TRPV1: variants seen among roughly 807,000 people sequenced by gnomAD.
TRPV1 encodes the protein OTRPC1.
TRPV1 carries 82 observed loss-of-function variants against 82.3 expected under a neutral mutation model. The observed-to-expected ratio is 1.00, with a 90% CI of 0.83 to 1.20. TRPV1 has a LOEUF of 1.20. TRPV1 is among the 50% of genes most tolerant of loss of function. TRPV1 has a pLI of 0.00. For synonymous variants in TRPV1, 515 were observed against 467.7 expected (o/e 1.10, Z -1.30); for missense variants, 1,067 against 1,096.8 (o/e 0.97, Z 0.38).
At position 3,565,939 on chromosome 17, in the gene TRPV1, A is replaced by AG. The variant is rs2074755259; in HGVS notation, c.*875dup. 1 of 152,238 alleles carries AG rather than the reference A, an allele frequency of 6.6e-6. No individual in the cohort carries two copies. Among genetic ancestry groups the AG allele is most frequent in the Non-Finnish European group, 1.5e-5 (1 of 68,050 alleles). The allele number at this position is 152,238 out of a possible 1,614,324, so 9.4% of individuals were successfully genotyped here. A position where few individuals can be genotyped will look rare whatever the true frequency, so the allele number is the denominator to read the frequency against. On this transcript the variant is annotated 3_prime_UTR_variant, in exon 17 of 17. Coordinates refer to ENST00000572705, the MANE Select transcript of TRPV1 (RefSeq NM_080704.4). ...GTAATCCCAGCACTTTGGGAGGCCA[A>AG]GGCGGGCAGATCACCTGAGGTCAAG...
chr17:3,580,461 G>A lies in TRPV1; in HGVS notation c.1543C>T (p.Leu515Phe). 1 of 1,614,036 alleles carries A rather than the reference G, an allele frequency of 6.2e-7. No homozygotes were observed. Among genetic ancestry groups the A allele is most frequent in the East Asian group, 2.2e-5 (1 of 44,886 alleles). ...TLFVDSYSEM[L>F]FFLQSLFMLA... ...ATGAGTCAAAGTGTCACTTACAAAA[G>A]CATCTCACTGTAGCTGTCCACAAAC... The change falls in exon 11 of 17, where the codon CTT becomes TTT. Residue 515 changes from leucine (L) to phenylalanine (F), a missense_variant. Coordinates refer to ENST00000572705, the MANE Select transcript of TRPV1 (RefSeq NM_080704.4).
At chr17:3,571,934 G>A (rs775050507) in intron 15 of TRPV1, among the ~76,000 whole-genome samples, 188 bp downstream of exon 15, 24 of 152,118 alleles carry the variant, frequency 1.6e-4, no homozygotes, top group Admixed American at 2.6e-4. Context: ...CCCACCAGAT[G>A]AGATCTAAGA....
Position 3,571,589 on chromosome 17 carries a change from TTGA to T in TRPV1, c.2279_2281del (p.Ile760del). 6.2e-7 allele frequency: 1 copy of T among 1,612,888 alleles called. No individual in the cohort carries two copies. Among genetic ancestry groups the T allele is most frequent in the Non-Finnish European group, 8.5e-7 (1 of 1,179,516 alleles). On this transcript the variant is annotated inframe_deletion, in exon 16 of 17. Coordinates refer to ENST00000572705, the MANE Select transcript of TRPV1 (RefSeq NM_080704.4). ...GCCCTCACAGTTGCCCGGGTCTTCG[TTGA>T]TGATGCCCACGTTGGTGTTCCAGGT... is the stretch of plus-strand genomic sequence containing the variant.
At chr17:3,581,983 G>C (rs12945340) in intron 10 of TRPV1, among the ~76,000 whole-genome samples, 1 of 137,688 alleles carries the variant, frequency 7.3e-6, no homozygotes, top group African/African-American at 2.6e-5. Context: ...GAGGTCAGGA[G>C]ATCGAGACCA....
At position 3,576,712 on chromosome 17, in the gene TRPV1, GGTC is replaced by G. The variant is rs1415997318; in HGVS notation, c.1780+411_1780+413del. On this transcript the variant is annotated intron_variant, in intron 13 of 16. Coordinates refer to ENST00000572705, the MANE Select transcript of TRPV1 (RefSeq NM_080704.4). ...ATATGCATAAAAACTAGCCGGGCATGGTCGTGGGCGCCTGTAATCCCAGCTACT... is the reference window on the plus strand; with the variant it reads ...ATATGCATAAAAACTAGCCGGGCATGGTGGGCGCCTGTAATCCCAGCTACT... 5.5e-5 allele frequency among the ~76,000 whole-genome samples: 7 copies of G among 127,066 alleles called. No individual in the cohort carries two copies. The Admixed American group carries it at 6.1e-4, about 11-fold the overall frequency. 83.4% of individuals were successfully genotyped at this position (127,066 alleles called of 152,430 possible).
chr17:3,588,835 ACAC>A, intron 7 of TRPV1: 14 of 1,390,932 alleles, frequency 1.0e-5, no homozygotes, highest in South Asian at 1.3e-5. Flanking sequence ...AAAAAACAAA[ACAC>A]ACAAACGTCA....
intron 2 of TRPV1, 151 bp from the exon 3 acceptor site, chr17:3,592,534 T>C: frequency 1.3e-6 from 1 of 780,430 alleles, no homozygotes; most frequent in South Asian, 1.9e-5. Context: ...CTGAAGTGTT[T>C]CCAGGACTGA....
In TRPV1 at chr17:3,582,602, TC is replaced by T. The variant is rs1014880485; in HGVS notation, c.1476+735del. ...GTCCCACATTCAAAGAAAAGATTAC[TC>T]CTGCATTAAAAAAAAAAAAAATGGC... is the stretch of plus-strand genomic sequence containing the variant. On this transcript the variant is annotated intron_variant, in intron 10 of 16. Coordinates refer to ENST00000572705, the MANE Select transcript of TRPV1 (RefSeq NM_080704.4). Among the ~76,000 whole-genome samples, 28 of 59,274 alleles carry T rather than the reference TC, an allele frequency of 4.7e-4. No individual in the cohort carries two copies. The Admixed American group carries it at 6.1e-3, about 13-fold the overall frequency. The allele number at this position is 59,274 out of a possible 152,430, so 38.9% of individuals were successfully genotyped here.
intron 14 of TRPV1, among the ~76,000 whole-genome samples, chr17:3,572,463 G>A (rs1880469102): frequency 1.3e-5 from 2 of 152,326 alleles, no homozygotes; most frequent in Non-Finnish European, 1.5e-5. Flanking sequence ...GACCTGTCCA[G>A]GTGCCACTGG....
rs1256563817 is a variant in TRPV1 at position 3,583,354 on chromosome 17, T to C, written c.1460A>G (p.Tyr487Cys). Residue 487 changes from tyrosine (Y) to cysteine (C), a missense_variant, in exon 10 of 17, where the codon TAC (tyrosine) becomes TGC (cysteine). Physicochemically the swap from Tyr to Cys is radical, Grantham distance 194 (BLOSUM62 -2). Transcript: ENST00000572705. ...AACGCTTACCCCTCGGAAAAAGAAGTAGACTCCTCCTAACACAGACAGGAT... is the reference window on the plus strand; with the variant it reads ...AACGCTTACCCCTCGGAAAAAGAAGCAGACTCCTCCTAACACAGACAGGAT... ...GEILSVLGGV[Y>C]FFFRGIQYFL... The C allele has an allele frequency of 1.2e-6, 2 of 1,609,460 alleles. No individual in the cohort carries two copies. Among genetic ancestry groups the C allele is most frequent in the Admixed American group, 1.7e-5 (1 of 59,324 alleles).
At chr17:3,596,054 T>C (rs999518402) in intron 2 of TRPV1, among the ~76,000 whole-genome samples, 1 of 152,184 alleles carries the variant, frequency 6.6e-6, no homozygotes, top group Non-Finnish European at 1.5e-5. Flanking sequence ...CAAACGAGTG[T>C]TGGCTGTGTG....
chr17:3,603,122 AAAAATT>A (rs1259680284), intron 2 of TRPV1, among the ~76,000 whole-genome samples: 1 of 145,354 alleles, frequency 6.9e-6, no homozygotes, highest in African/African-American at 2.4e-5. Flanking sequence ...CTCCATCTCA[AAAAATT>A]AAAATTAAAA....
intron 9 of TRPV1, among the ~76,000 whole-genome samples, chr17:3,584,402 C>CAAGAAAAAAA (rs2075057678): frequency 1.8e-4 from 3 of 16,746 alleles, no homozygotes; most frequent in African/African-American, 7.0e-4. Flanking sequence ...GACTCTGTCT[C>CAAGAAAAAAA]AAAAAAAAAA....
chr17:3,579,977 G>A (rs942501893), intron 11 of TRPV1, among the ~76,000 whole-genome samples: 2 of 152,110 alleles, frequency 1.3e-5, no homozygotes, highest in Non-Finnish European at 2.9e-5. Context: ...GCAGCTGCGA[G>A]TAGAGGCCGG....
rs535975864 is a variant in TRPV1, at chr17:3,572,803, T to A, written c.2104-554A>T. Among the ~76,000 whole-genome samples, 59 of 152,128 alleles carry A rather than the reference T, an allele frequency of 3.9e-4. No individual in the cohort carries two copies. In the East Asian group the frequency reaches 0.01, roughly 27 times the overall value. On this transcript the variant is annotated intron_variant, in intron 14 of 16. Transcript: ENST00000572705. ...TTCAAAACCAGCCTGGCCAACATGG[T>A]GAAACCCCATCTCTACTAAAAATAC...
In TRPV1 at chr17:3,590,075, G is replaced by A; in HGVS notation, c.776C>T (p.Thr259Ile). 1 of 1,605,346 alleles carries A rather than the reference G, an allele frequency of 6.2e-7. No homozygotes were observed. The highest frequency in any genetic ancestry group is 8.5e-7 in the Non-Finnish European group (1 of 1,176,254). Reference protein sequence around the residue: ...GELPLSLAACTNQLGIVKFLL... With the variant: ...GELPLSLAACINQLGIVKFLL... ...GAACTTCACGATGCCCAGCTGGTTGGTGCACGCGGCCAGGGACAGGGGCAG... is the reference window on the plus strand; with the variant it reads ...GAACTTCACGATGCCCAGCTGGTTGATGCACGCGGCCAGGGACAGGGGCAG... The change falls in exon 7 of 17, where the codon ACC becomes ATC. Residue 259 changes from threonine to isoleucine, a missense_variant. By Grantham distance (89) the Thr-to-Ile change is moderately conservative. Transcript: ENST00000572705.
At chr17:3,588,902 C>T in intron 7 of TRPV1, 1 of 1,535,734 alleles carries the variant, frequency 6.5e-7, no homozygotes, top group Non-Finnish European at 8.7e-7. Context: ...ACAATCCCCT[C>T]ACGGCGAGGC....
At position 3,585,128 on chromosome 17, in the gene TRPV1, C is replaced by T. The variant is rs775708140; in HGVS notation, c.1383+640G>A. The T allele has an allele frequency of 4.3e-4, 65 of 151,360 alleles. 1 individual carries two copies. The highest frequency in any genetic ancestry group is 2.2e-4 in the Non-Finnish European group (15 of 68,068). The allele number at this position is 151,360 out of a possible 1,614,324, so 9.4% of individuals were successfully genotyped here. On this transcript the variant is annotated intron_variant, in intron 9 of 16. Coordinates refer to ENST00000572705, the MANE Select transcript of TRPV1 (RefSeq NM_080704.4). The stretch of plus-strand genomic sequence containing the variant: ...CCCAGGCCAGGGGTGAGCCCTGTCC[C>T]GAGCCCAAATTCCTGCGTGATTTTT...
At position 3,566,953 on chromosome 17, in the gene TRPV1, G is replaced by T; in HGVS notation, c.2382C>A (p.Val794=). The T allele has an allele frequency of 6.2e-7, 1 of 1,613,916 alleles. No individual in the cohort carries two copies. Residue 794 remains valine, a synonymous_variant, in exon 17 of 17, where the codon GTC becomes GTA. Coordinates refer to ENST00000572705, the MANE Select transcript of TRPV1 (RefSeq NM_080704.4). ...GAGCACTTGCCTCTCTTAAAAGGGG[G>T]ACCAGGGCAAAGTTCTTCCAGTGTC... ...SGRHWKNFAL[V]PLLREASARD... is the part of the protein sequence containing the mutation.
Sources: gnomAD v4.1 joint callset for allele counts (sites outside exome capture counted in the v4.1 genomes callset) on GRCh38, gnomAD v4.1.1 for gene constraint, MANE v1.5 for transcripts, NCBI Gene and HGNC (gene_info 2026-07-23, HGNC 2026-07-21) for gene names.